The following TRPM6 variants were observed in gnomAD, a reference collection of about 807,000 sequenced individuals.
TRPM6 encodes the protein channel kinase 2.
TRPM6 carries 111 observed loss-of-function variants against 247.6 expected under a neutral mutation model. The observed-to-expected ratio is 0.45, with a 90% CI of 0.38 to 0.52. TRPM6 has a LOEUF of 0.52. TRPM6 is among the 20% of genes least tolerant of loss of function. The pLI, the probability that TRPM6 is intolerant of heterozygous loss-of-function variation, is 0.00. For missense variants in TRPM6, 2,126 were observed against 2,421.5 expected (o/e 0.88, Z 2.56); for synonymous variants, 892 against 853.8 (o/e 1.04, Z -0.78).
chr9:74,833,908 G>A, intron 6 of TRPM6, 90 bp downstream of exon 6: 1 of 1,526,752 alleles, frequency 6.5e-7, no homozygotes, highest in Non-Finnish European at 9.0e-7. Flanking sequence ...CATCTGTAAT[G>A]TTCATTCATT....
intron 23 of TRPM6, among the ~76,000 whole-genome samples, chr9:74,781,551 A>AAAAAAG (rs1554698840): frequency 6.7e-6 from 1 of 148,528 alleles, no homozygotes; most frequent in Non-Finnish European, 1.5e-5. Context: ...AAAAAAAAAA[A>AAAAAAG]AAGAAGAAAA....
At position 74,722,954 on chromosome 9, in the gene TRPM6, T is replaced by A. The variant is rs772425653; in HGVS notation, c.*1659A>T. 2 of 152,186 alleles carry A rather than the reference T, an allele frequency of 1.3e-5. No homozygotes were observed. Among genetic ancestry groups the A allele is most frequent in the Non-Finnish European group, 2.9e-5 (2 of 68,032 alleles). The allele number at this position is 152,186 out of a possible 1,614,324, so 9.4% of individuals were successfully genotyped here. ...AGTCAGCTAATGTCAGGATTAAAGA[T>A]AAAAATAAGTTGGAATTTTTCAAAC... On this transcript the variant is annotated 3_prime_UTR_variant, in exon 39 of 39. Coordinates refer to ENST00000360774, the MANE Select transcript of TRPM6 (RefSeq NM_017662.5).
At chr9:74,854,865 G>A (rs1023467939) in intron 3 of TRPM6, among the ~76,000 whole-genome samples, 4 of 152,044 alleles carry the variant, frequency 2.6e-5, no homozygotes, top group African/African-American at 7.2e-5. Context: ...TTTGTACGTC[G>A]AGACAGGGTT....
chr9:74,782,907 G>A, intron 21 of TRPM6, 54 bp from the exon 22 acceptor site: 1 of 1,539,036 alleles, frequency 6.5e-7, no homozygotes, highest in Non-Finnish European at 9.0e-7. Context: ...AAGTTCAAAA[G>A]AAACCAAACA....
intron 31 of TRPM6, 33 bp downstream of exon 31, chr9:74,747,856 T>A (rs1587464741): frequency 6.4e-7 from 1 of 1,557,098 alleles, no homozygotes; most frequent in Non-Finnish European, 8.8e-7. Context: ...GATGAAAAAA[T>A]AAAAAATAAA....
intron 3 of TRPM6, among the ~76,000 whole-genome samples, chr9:74,850,730 C>CA (rs373823472): frequency 2.0e-5 from 3 of 151,124 alleles, no homozygotes; most frequent in African/African-American, 4.9e-5. Flanking sequence ...CAAAAAAAAA[C>CA]AAAAAAACAA....
intron 3 of TRPM6, among the ~76,000 whole-genome samples, chr9:74,849,509 G>A (rs74470351): frequency 0.013 from 1,935 of 152,226 alleles, 52 homozygotes; most frequent in African/African-American, 0.045. Context: ...CCATCTGCAA[G>A]CCAAGGAGAG....
chr9:74,865,156 C>T (rs544527861), intron 1 of TRPM6, among the ~76,000 whole-genome samples: 27 of 151,626 alleles, frequency 1.8e-4, no homozygotes, highest in Non-Finnish European at 3.8e-4. Flanking sequence ...ATTTATAAAT[C>T]TTCCTGGAGC....
At chr9:74,777,660 C>A (rs1827270500) in intron 23 of TRPM6, among the ~76,000 whole-genome samples, 1 of 152,096 alleles carries the variant, frequency 6.6e-6, no homozygotes, top group Non-Finnish European at 1.5e-5. Flanking sequence ...TAGAAACAGG[C>A]CAAGAGTCCA....
chr9:74,865,006 G>A (rs780281535), intron 1 of TRPM6, among the ~76,000 whole-genome samples: 4 of 151,674 alleles, frequency 2.6e-5, no homozygotes, highest in Non-Finnish European at 5.9e-5. Context: ...CCAGGAGGTG[G>A]AAGTTGCAGT....
intron 17 of TRPM6, among the ~76,000 whole-genome samples, chr9:74,799,091 T>G (rs908974612): frequency 1.3e-5 from 2 of 152,178 alleles, no homozygotes; most frequent in African/African-American, 4.8e-5. Context: ...AAGCAAATCA[T>G]TGGAGAACTT....
At chr9:74,870,079 C>T (rs1830974789) in intron 1 of TRPM6, among the ~76,000 whole-genome samples, 4 of 152,078 alleles carry the variant, frequency 2.6e-5, no homozygotes, top group African/African-American at 4.8e-5. Context: ...TTTTTATTAC[C>T]CACACTTCCC....
At chr9:74,872,525 T>A (rs1831057474) in intron 1 of TRPM6, among the ~76,000 whole-genome samples, 1 of 151,848 alleles carries the variant, frequency 6.6e-6, no homozygotes, top group Admixed American at 6.6e-5. Flanking sequence ...CGCCTCGCAA[T>A]GCTCAAGCAA....
chr9:74,880,530 G>A (rs191908445), intron 1 of TRPM6, among the ~76,000 whole-genome samples: 1 of 151,916 alleles, frequency 6.6e-6, no homozygotes, highest in Non-Finnish European at 1.5e-5. Flanking sequence ...AGAATGCAAT[G>A]ATATATTCAA....
chr9:74,737,456 A>T, intron 36 of TRPM6: 1 of 1,289,664 alleles, frequency 7.8e-7, no homozygotes, highest in Non-Finnish European at 1.0e-6. Flanking sequence ...GAGAGCTGGG[A>T]AAGTCAGACA....
intron 11 of TRPM6, among the ~76,000 whole-genome samples, chr9:74,814,383 A>T (rs1189695229): frequency 6.6e-6 from 1 of 152,202 alleles, no homozygotes; most frequent in Admixed American, 6.5e-5. Flanking sequence ...CTAGTATTTG[A>T]TAGCACAACA....
intron 19 of TRPM6, among the ~76,000 whole-genome samples, chr9:74,789,191 C>T (rs1827804362): frequency 6.6e-6 from 1 of 152,178 alleles, no homozygotes; most frequent in Non-Finnish European, 1.5e-5. Context: ...TTTACCACTG[C>T]TGGGAGTTCT....
In TRPM6 at chr9:74,776,003, A is replaced by G; in HGVS notation, c.3283T>C (p.Tyr1095His). 2 of 1,614,158 alleles carry G rather than the reference A, an allele frequency of 1.2e-6. No individual in the cohort carries two copies. The highest frequency in any genetic ancestry group is 8.5e-7 in the Non-Finnish European group (1 of 1,180,020). ...KYNRYRYIMTYHEKPWLPPPL... is the reference protein window; with the variant it reads ...KYNRYRYIMTHHEKPWLPPPL... ...GGGGGCAGCCAGGGCTTCTCGTGGT[A>G]GGTCATGATGTAGCGATAGCGGTTG... The change falls in exon 24 of 39, where the codon TAC becomes CAC. Residue 1095 changes from tyrosine to histidine, a missense_variant. Physicochemically the swap from Tyr to His is moderately conservative, Grantham distance 83 (BLOSUM62 2). Transcript: ENST00000360774.
chr9:74,797,593 A>G (rs1001807859), intron 17 of TRPM6, among the ~76,000 whole-genome samples: 4 of 152,146 alleles, frequency 2.6e-5, no homozygotes, highest in African/African-American at 9.7e-5. Context: ...AGTTGATTAA[A>G]TCTGCAGATG....
Sources: allele counts gnomAD v4.1 joint callset (sites outside exome capture counted in the v4.1 genomes callset), GRCh38; gene constraint gnomAD v4.1.1; transcripts MANE v1.5; gene names NCBI Gene and HGNC (gene_info 2026-07-23, HGNC 2026-07-21).